HSPA12A: variants seen among roughly 807,000 people sequenced by gnomAD.
The protein encoded by HSPA12A is heat shock protein family A (Hsp70) member 12A.
HSPA12A carries 28 observed loss-of-function variants against 69.2 expected under a neutral mutation model. That is an observed-to-expected ratio of 0.40 (90% CI 0.30 to 0.55). The LOEUF is 0.55. HSPA12A is among the 20% of genes least tolerant of loss of function. The pLI is 0.38. For synonymous variants in HSPA12A, 345 were observed against 370.5 expected (o/e 0.93, Z 0.79); for missense variants, 686 against 900.7 (o/e 0.76, Z 3.05).
chr10:116,847,628 G>A (rs775605397), intron 1 of HSPA12A, among the ~76,000 whole-genome samples: 1 of 152,158 alleles, frequency 6.6e-6, no homozygotes, highest in African/African-American at 2.4e-5. Context: ...TGTGAGTTAA[G>A]TACTTATTAA....
chr10:116,847,453 A>T (rs1022162832), intron 1 of HSPA12A, among the ~76,000 whole-genome samples: 4 of 152,184 alleles, frequency 2.6e-5, no homozygotes, highest in African/African-American at 9.7e-5. Context: ...TCCTATATTC[A>T]GAAATTTGTG....
chr10:116,820,843 C>T (rs541803169), intron 2 of HSPA12A, among the ~76,000 whole-genome samples: 39 of 152,202 alleles, frequency 2.6e-4, no homozygotes, highest in African/African-American at 9.2e-4. Flanking sequence ...AACACCTGAT[C>T]TCCAAATCAG....
At chr10:116,761,026 AAAAAAGT>A (rs1843959484) in intron 2 of HSPA12A, among the ~76,000 whole-genome samples, 1 of 152,106 alleles carries the variant, frequency 6.6e-6, no homozygotes, top group Admixed American at 6.5e-5. Flanking sequence ...AAAAAAAAAG[AAAAAAGT>A]AAAATAAATA....
intron 2 of HSPA12A, among the ~76,000 whole-genome samples, chr10:116,755,872 T>C (rs1843835320): frequency 6.6e-6 from 1 of 150,632 alleles, no homozygotes; most frequent in Non-Finnish European, 1.5e-5. Context: ...ACATCTGTAG[T>C]CACATCTACT....
Position 116,767,981 on chromosome 10 carries a change from G to GC in HSPA12A, c.92-60697dup, listed in dbSNP as rs1326045248. ...AAGTTAAACATAGAATTATCAAATG[G>GC]CCCCCCAAGTCCACTCCTAGGTATA... On this transcript the variant is annotated intron_variant, in intron 2 of 12. Coordinates refer to the HSPA12A transcript ENST00000635765. Among the ~76,000 whole-genome samples the GC allele has an allele frequency of 5.3e-5, 8 of 152,122 alleles. No homozygotes were observed. In the East Asian group the frequency reaches 1.4e-3, roughly 26 times the overall value.
chr10:116,730,268 T>G (rs548940141), intron 1 of HSPA12A, among the ~76,000 whole-genome samples: 1 of 152,334 alleles, frequency 6.6e-6, no homozygotes, highest in African/African-American at 2.4e-5. Flanking sequence ...TGACCTCATC[T>G]AATTCTCAGA....
intron 2 of HSPA12A, among the ~76,000 whole-genome samples, chr10:116,815,128 T>C (rs1405907715): frequency 6.6e-6 from 1 of 152,086 alleles, no homozygotes; most frequent in Non-Finnish European, 1.5e-5. Context: ...ACCAGCTCTT[T>C]TCTTATTTCT....
At chr10:116,738,911 G>A (rs1851394645) in intron 1 of HSPA12A, among the ~76,000 whole-genome samples, 2 of 152,142 alleles carry the variant, frequency 1.3e-5, no homozygotes, top group South Asian at 4.1e-4. Flanking sequence ...CCACCAAGGC[G>A]GCAGACAAGT....
chr10:116,704,235 A>G (rs1412705912), intron 3 of HSPA12A, among the ~76,000 whole-genome samples: 1 of 152,252 alleles, frequency 6.6e-6, no homozygotes, highest in Non-Finnish European at 1.5e-5. Flanking sequence ...GGTAGACTAG[A>G]TTAAGAAAAT....
At position 116,817,696 on chromosome 10, in the gene HSPA12A, A is replaced by C. The variant is rs535889289; in HGVS notation, c.91+17239T>G. 5.3e-5 allele frequency among the ~76,000 whole-genome samples: 8 copies of C among 152,238 alleles called. No individual in the cohort carries two copies. In the East Asian group the frequency reaches 5.8e-4, roughly 11 times the overall value. On this transcript the variant is annotated intron_variant, in intron 2 of 12. Transcript: ENST00000635765. ...TCAGGCTTGTCACCCAAAGTCCCCC[A>C]AAAAAACCCTCTGCCTCAAGAATGT...
In HSPA12A at chr10:116,683,787, G is replaced by A. The variant is rs782689381; in HGVS notation, c.835+4C>T. ...CAGGAGGGGGAGAGAGAGAGCAGAGGTACCCTGTGTAAACCCAGCTCCTAC... is the reference window on the plus strand; with the variant it reads ...CAGGAGGGGGAGAGAGAGAGCAGAGATACCCTGTGTAAACCCAGCTCCTAC... On this transcript the variant is annotated splice_donor_region_variant and intron_variant, in intron 7 of 11. Coordinates refer to ENST00000369209, the MANE Select transcript of HSPA12A (RefSeq NM_025015.3). The A allele has an allele frequency of 6.5e-7, 1 of 1,543,332 alleles. No individual in the cohort carries two copies. Among genetic ancestry groups the A allele is most frequent in the Non-Finnish European group, 8.9e-7 (1 of 1,128,950 alleles).
intron 2 of HSPA12A, chr10:116,830,956 T>C (rs1363906685): frequency 2.1e-5 from 3 of 141,348 alleles, no homozygotes; most frequent in Non-Finnish European, 4.4e-5. Flanking sequence ...GTCCTGCATA[T>C]AATAGCTTAG....
intron 5 of HSPA12A, among the ~76,000 whole-genome samples, chr10:116,695,908 C>T (rs1451671421): frequency 6.8e-6 from 1 of 146,386 alleles, no homozygotes; most frequent in Non-Finnish European, 1.5e-5. Context: ...GAGGCTGAGG[C>T]AAGGGAATTG....
At position 116,723,236 on chromosome 10, in the gene HSPA12A, A is replaced by G. The variant is rs186938870; in HGVS notation, c.41-15951T>C. Among the ~76,000 whole-genome samples the G allele has an allele frequency of 6.7e-6, 1 of 149,734 alleles. No individual in the cohort carries two copies. Among genetic ancestry groups the G allele is most frequent in the East Asian group, 2.0e-4 (1 of 4,986 alleles). ...CCCCCATCATTCCTGTCCTCATACA[A>G]CCCCCTGCACAGCTGGGCTGTGTCC... On this transcript the variant is annotated intron_variant, in intron 1 of 11. Coordinates refer to ENST00000369209, the MANE Select transcript of HSPA12A (RefSeq NM_025015.3). The surrounding 1 kb of genome is among the most constrained non-coding windows in gnomAD (Gnocchi z 4.1).
chr10:116,836,768 AACACACACAC>A lies in HSPA12A; in HGVS notation c.4-1756_4-1747del, dbSNP rs75862523. ...GTGTAGAATTGTGGTAAACGAACCG[AACACACACAC>A]ACACACACACACACACACACACACA... On this transcript the variant is annotated intron_variant, in intron 1 of 12. Coordinates refer to the HSPA12A transcript ENST00000635765. Among the ~76,000 whole-genome samples the A allele has an allele frequency of 9.3e-3, 1,360 of 146,600 alleles. 18 individuals are homozygous for A. The highest frequency in any genetic ancestry group is 0.032 in the African/African-American group (1,267 of 40,110).
In HSPA12A at chr10:116,675,772, TTC is replaced by T. The variant is rs1293843137; in HGVS notation, c.1391-356_1391-355del. Among the ~76,000 whole-genome samples, 1 of 152,198 alleles carries T rather than the reference TTC, an allele frequency of 6.6e-6. No homozygotes were observed. The highest frequency in any genetic ancestry group is 2.4e-5 in the African/African-American group (1 of 41,452). On this transcript the variant is annotated intron_variant, in intron 11 of 11. Transcript: ENST00000369209. The surrounding 1 kb of genome is among the most constrained non-coding windows in gnomAD (Gnocchi z 5.2). The stretch of plus-strand genomic sequence containing the variant: ...TCAAGGCAGGTTGTTATAAATAGAA[TTC>T]TCTGATTTTCATAAAAATCCCATTC...
intron 1 of HSPA12A, among the ~76,000 whole-genome samples, chr10:116,711,759 G>A (rs886986736): frequency 3.4e-5 from 5 of 149,250 alleles, no homozygotes; most frequent in Non-Finnish European, 5.9e-5. Context: ...CACCTCCCAG[G>A]TTCACGACAT....
At chr10:116,802,195 TC>T (rs1844972140) in intron 2 of HSPA12A, among the ~76,000 whole-genome samples, 1 of 152,164 alleles carries the variant, frequency 6.6e-6, no homozygotes. Context: ...GGCATGGTTG[TC>T]ATTGAAAAAT....
intron 2 of HSPA12A, among the ~76,000 whole-genome samples, chr10:116,782,814 G>A (rs979065172): frequency 5.3e-5 from 8 of 152,174 alleles, no homozygotes; most frequent in Non-Finnish European, 8.8e-5. Context: ...AATGTTCTAC[G>A]TCTTAAGCTG....
Sources: gnomAD v4.1 joint callset for allele counts (sites outside exome capture counted in the v4.1 genomes callset) on GRCh38, gnomAD v4.1.1 for gene constraint, Gnocchi (gnomAD v3.1) non-coding constraint, MANE v1.5 for transcripts, NCBI Gene and HGNC (gene_info 2026-07-23, HGNC 2026-07-21) for gene names.